Variants in DPH6 observed in about 807,000 individuals in gnomAD.
The protein encoded by DPH6 is diphthine--ammonia ligase.
A neutral mutation model predicts 38.2 loss-of-function variants in DPH6; 33 were observed. The ratio of observed to expected loss-of-function variants is 0.86; its 90% confidence interval spans 0.65 to 1.15. The LOEUF is 1.15. Ranked by LOEUF, DPH6 falls within the 50% of genes most tolerant of loss-of-function variation. The pLI is 0.00. For missense variants in DPH6, 325 were observed against 320.0 expected (o/e 1.02, Z -0.12); for synonymous variants, 108 against 103.0 (o/e 1.05, Z -0.30).
chr15:35,363,285 T>C (rs1432557783), intron 3 of DPH6, among the ~76,000 whole-genome samples: 1 of 152,190 alleles, frequency 6.6e-6, no homozygotes, highest in Non-Finnish European at 1.5e-5. Context: ...TCCCCTACTG[T>C]CAATTTCTGT....
the DPH6 span, among the ~76,000 whole-genome samples, chr15:35,189,459 C>T: frequency 6.6e-6 from 1 of 152,184 alleles, no homozygotes; most frequent in African/African-American, 2.4e-5. Flanking sequence ...AATCCACCTT[C>T]ACCTTTTATT....
Position 35,391,854 on chromosome 15 carries a change from C to G in DPH6, c.568-9938G>C, listed in dbSNP as rs28522822. ...GGTGCACTGCACCCACTGTCCTGCA[C>G]CCGCTGTCCGGCACTCCTCAGTGAG... is the stretch of plus-strand genomic sequence containing the variant. On this transcript the variant is annotated intron_variant, in intron 6 of 8. Transcript: ENST00000256538. 2.7e-3 allele frequency among the ~76,000 whole-genome samples: 417 copies of G among 152,308 alleles called. 1 individual carries two copies. The highest frequency in any genetic ancestry group is 9.7e-3 in the African/African-American group (402 of 41,572).
chr15:35,365,243 A>C (rs2052647378), intron 3 of DPH6, among the ~76,000 whole-genome samples: 1 of 152,072 alleles, frequency 6.6e-6, no homozygotes, highest in Non-Finnish European at 1.5e-5. Context: ...TCAGTGAGGC[A>C]ACTTTCTCAT....
At chr15:35,154,580 T>C in the DPH6 span, among the ~76,000 whole-genome samples, 1 of 152,202 alleles carries the variant, frequency 6.6e-6, no homozygotes, top group Non-Finnish European at 1.5e-5. Context: ...CAAGTAGCAT[T>C]TGTTGCATAT....
intron 3 of DPH6, among the ~76,000 whole-genome samples, chr15:35,512,831 T>A (rs2054793739): frequency 6.6e-6 from 1 of 152,100 alleles, no homozygotes; most frequent in Non-Finnish European, 1.5e-5. Flanking sequence ...TTAAAAATAA[T>A]CATATACTTT....
At chr15:35,381,670 A>T (rs1275539363) in intron 7 of DPH6, 152 bp downstream of exon 7, 9 of 647,638 alleles carry the variant, frequency 1.4e-5, no homozygotes, top group Admixed American at 2.9e-5. Flanking sequence ...AGATATTCAG[A>T]TAACTTCACT....
intron 5 of DPH6, among the ~76,000 whole-genome samples, chr15:35,436,248 C>T (rs928367153): frequency 9.9e-5 from 15 of 151,688 alleles, no homozygotes; most frequent in Admixed American, 7.2e-4. Context: ...AGGCGGATCA[C>T]GAGGTCAGGA....
intron 3 of DPH6, among the ~76,000 whole-genome samples, chr15:35,341,134 C>T (rs1187714556): frequency 4.6e-5 from 7 of 152,098 alleles, no homozygotes; most frequent in Admixed American, 4.6e-4. Context: ...CGTCTTCAAA[C>T]TCTGAGATTC....
chr15:35,256,639 T>G (rs1017743334), intron 3 of DPH6, among the ~76,000 whole-genome samples: 1 of 152,228 alleles, frequency 6.6e-6, no homozygotes, highest in African/African-American at 2.4e-5. Context: ...AGTAGTGTAG[T>G]AGATGTCAAG....
the DPH6 span, among the ~76,000 whole-genome samples, chr15:35,171,111 A>G: frequency 4.6e-5 from 7 of 152,342 alleles, no homozygotes; most frequent in East Asian, 9.6e-4. Context: ...TAAAGAGATG[A>G]GGGTTGATGC....
chr15:35,479,868 C>G (rs529202649), intron 3 of DPH6, among the ~76,000 whole-genome samples: 77 of 152,154 alleles, frequency 5.1e-4, no homozygotes, highest in Middle Eastern at 3.4e-3. Context: ...AGAACATTAT[C>G]AAAAGCATTT....
chr15:35,375,898 C>T (rs1013506198), intron 7 of DPH6, among the ~76,000 whole-genome samples: 2 of 152,082 alleles, frequency 1.3e-5, no homozygotes, highest in African/African-American at 4.8e-5. Flanking sequence ...AGGACAACTA[C>T]GCTAAGCTGG....
chr15:35,437,522 C>A (rs2053732439), intron 5 of DPH6, among the ~76,000 whole-genome samples: 1 of 152,144 alleles, frequency 6.6e-6, no homozygotes, highest in Non-Finnish European at 1.5e-5. Flanking sequence ...GGGCTTTTGG[C>A]CTCCCTCTCC....
intron 7 of DPH6, among the ~76,000 whole-genome samples, chr15:35,376,392 AT>A (rs1239793387): frequency 1.3e-5 from 2 of 152,258 alleles, no homozygotes; most frequent in East Asian, 3.9e-4. Flanking sequence ...ACATAATGCT[AT>A]TTTTGGTTAA....
chr15:35,546,034 ACACCCACTCTTT>A, intron 1 of DPH6, 73 bp downstream of exon 1: 1 of 1,195,112 alleles, frequency 8.4e-7, no homozygotes, highest in Non-Finnish European at 1.1e-6. Flanking sequence ...TCAGACGGAG[ACACCCACTCTTT>A]CGGCGCTAGC....
At chr15:35,378,897 A>G (rs1377116861) in intron 7 of DPH6, among the ~76,000 whole-genome samples, 4 of 152,184 alleles carry the variant, frequency 2.6e-5, no homozygotes, top group Non-Finnish European at 5.9e-5. Context: ...TGGTTGCAGC[A>G]AACCACCATG....
intron 1 of DPH6, 79 bp from the exon 2 acceptor site, chr15:35,542,586 G>A: frequency 7.8e-7 from 1 of 1,276,594 alleles, no homozygotes; most frequent in Non-Finnish European, 1.1e-6. Flanking sequence ...TATCAAAACA[G>A]AACATATCAT....
At chr15:35,283,728 G>A (rs2051918733) in intron 3 of DPH6, among the ~76,000 whole-genome samples, 1 of 144,976 alleles carries the variant, frequency 6.9e-6, no homozygotes, top group Admixed American at 6.9e-5. Context: ...CAAGAAAGAT[G>A]GTTTACTTTT....
intron 3 of DPH6, chr15:35,520,266 A>C (rs925882557): frequency 6.2e-5 from 59 of 948,016 alleles, no homozygotes; most frequent in Non-Finnish European, 6.9e-5. Flanking sequence ...CAAAACTGAA[A>C]TCCTCGCCTA....
Sources: gnomAD v4.1 joint callset for allele counts (sites outside exome capture counted in the v4.1 genomes callset) on GRCh38, gnomAD v4.1.1 for gene constraint, MANE v1.5 for transcripts, NCBI Gene and HGNC (gene_info 2026-07-23, HGNC 2026-07-21) for gene names.